The following ZDHHC21 variants were observed in gnomAD, a reference collection of about 807,000 sequenced individuals.
ZDHHC21 encodes palmitoyltransferase ZDHHC21.
ZDHHC21 carries 15 observed loss-of-function variants against 34.6 expected under a neutral mutation model. The observed-to-expected ratio is 0.43, with a 90% CI of 0.29 to 0.67. The LOEUF (loss-of-function observed/expected upper bound fraction) is 0.67. ZDHHC21 is among the 30% of genes least tolerant of loss of function. The pLI is 0.14. For missense variants in ZDHHC21, 344 were observed against 327.7 expected, an observed-to-expected ratio of 1.05 and a Z score of -0.38; for synonymous variants, 142 against 101.8, an observed-to-expected ratio of 1.40 and a Z score of -2.38.
chr9:14,668,680 C>T (rs920848567), intron 5 of ZDHHC21, among the ~76,000 whole-genome samples: 4 of 147,504 alleles, frequency 2.7e-5, no homozygotes, highest in Non-Finnish European at 6.0e-5. Flanking sequence ...CAGAACAGAG[C>T]CCTCAGAAAT....
intron 8 of ZDHHC21, among the ~76,000 whole-genome samples, chr9:14,637,100 A>C (rs1334363796): frequency 2.0e-5 from 3 of 152,050 alleles, no homozygotes; most frequent in Non-Finnish European, 4.4e-5. Flanking sequence ...TATGCAAAGA[A>C]GCAATAAGAC....
intron 5 of ZDHHC21, 105 bp from the exon 6 acceptor site, chr9:14,662,431 T>C: frequency 2.6e-6 from 2 of 778,558 alleles, no homozygotes; most frequent in Non-Finnish European, 4.0e-6. Context: ...AACATAAAAC[T>C]CTAAGAGATT....
chr9:14,610,738 AG>A (rs1436427293), downstream of ZDHHC21, among the ~76,000 whole-genome samples: 1 of 152,008 alleles, frequency 6.6e-6, no homozygotes, highest in Non-Finnish European at 1.5e-5. Flanking sequence ...ATTCCCCTCA[AG>A]AAAAAATACT....
At chr9:14,686,310 A>G (rs17288444) in intron 2 of ZDHHC21, among the ~76,000 whole-genome samples, 75,482 of 151,854 alleles carry the variant, frequency 0.5, 19,093 homozygotes, top group African/African-American at 0.58. Flanking sequence ...TTAGTGATCA[A>G]TTGGGAGCAA....
chr9:14,664,281 T>G lies in ZDHHC21; in HGVS notation c.254-1955A>C, dbSNP rs531205917. 8.1e-4 allele frequency among the ~76,000 whole-genome samples: 123 copies of G among 151,890 alleles called. 1 individual carries two copies. Among genetic ancestry groups the G allele is most frequent in the Non-Finnish European group, 8.0e-4 (54 of 67,894 alleles). ...CTGGAAAATCGGGTCACTCCCACCC[T>G]AATACTGCGCTTTTCAGACCGGCTT... On this transcript the variant is annotated intron_variant, in intron 5 of 9. Coordinates refer to ENST00000380916, the MANE Select transcript of ZDHHC21 (RefSeq NM_178566.6).
chr9:14,597,347 G>A, the ZDHHC21 span, among the ~76,000 whole-genome samples: 1 of 152,052 alleles, frequency 6.6e-6, no homozygotes, highest in Non-Finnish European at 1.5e-5. Flanking sequence ...AGTGTGGCTG[G>A]GTATCCAGCA....
the ZDHHC21 span, among the ~76,000 whole-genome samples, chr9:14,598,919 AGCT>A: frequency 4.6e-5 from 6 of 129,192 alleles, no homozygotes; most frequent in Non-Finnish European, 6.2e-5. Context: ...TCCCAGGCCT[AGCT>A]AAATTTTTTT....
In ZDHHC21 at chr9:14,612,123, TGC is replaced by T. The variant is rs1336897609; in HGVS notation, c.*6841_*6842del. 6.6e-6 allele frequency: 1 copy of T among 152,034 alleles called. No homozygotes were observed. Among genetic ancestry groups the T allele is most frequent in the African/African-American group, 2.4e-5 (1 of 41,436 alleles). The allele number at this position is 152,034 out of a possible 1,614,324, so 9.4% of individuals were successfully genotyped here. On this transcript the variant is annotated 3_prime_UTR_variant, in exon 10 of 10. Transcript: ENST00000380916. The stretch of plus-strand genomic sequence containing the variant: ...TTCATCTCATTAGGCTTTCAAATTT[TGC>T]TTTCACCTCTAATGATATGTTCATC...
At chr9:14,603,430 C>T in the ZDHHC21 span, among the ~76,000 whole-genome samples, 1 of 152,048 alleles carries the variant, frequency 6.6e-6, no homozygotes, top group East Asian at 1.9e-4. Context: ...GCATGCTATA[C>T]TTCAAGGACA....
Position 14,618,274 on chromosome 9 carries a change from A to T in ZDHHC21, c.*692T>A, listed in dbSNP as rs1267995821. On this transcript the variant is annotated 3_prime_UTR_variant, in exon 10 of 10. Transcript: ENST00000380916. Reference sequence around the variant, plus strand: ...CAACAGTAATAGTGAAAATTGAAAAAATTATTGTGAAAAAAATTTTAACAT... The same window carrying T: ...CAACAGTAATAGTGAAAATTGAAAATATTATTGTGAAAAAAATTTTAACAT... The T allele has an allele frequency of 1.3e-5, 2 of 152,554 alleles. No homozygotes were observed. Among genetic ancestry groups the T allele is most frequent in the Non-Finnish European group, 2.9e-5 (2 of 68,002 alleles). 9.5% of individuals were successfully genotyped at this position (152,554 alleles called of 1,614,324 possible). A position where few individuals can be genotyped will look rare whatever the true frequency, so the allele number is the denominator to read the frequency against.
chr9:14,626,641 T>C (rs1826268930), intron 8 of ZDHHC21, among the ~76,000 whole-genome samples: 1 of 151,958 alleles, frequency 6.6e-6, no homozygotes, highest in African/African-American at 2.4e-5. Flanking sequence ...CAAAATAATT[T>C]TGATAATTTT....
the ZDHHC21 span, among the ~76,000 whole-genome samples, chr9:14,593,266 CAA>C: frequency 6.6e-6 from 1 of 151,596 alleles, no homozygotes; most frequent in African/African-American, 2.4e-5. Context: ...CTAAACAAAA[CAA>C]AAAAAGAAGA....
downstream of ZDHHC21, among the ~76,000 whole-genome samples, chr9:14,608,558 T>C (rs1420393222): frequency 6.6e-6 from 1 of 152,148 alleles, no homozygotes; most frequent in Non-Finnish European, 1.5e-5. Context: ...GGTGCTTTCT[T>C]GTTTGGAGAA....
chr9:14,608,070 T>C (rs764986236), downstream of ZDHHC21, among the ~76,000 whole-genome samples: 2 of 152,054 alleles, frequency 1.3e-5, no homozygotes, highest in Non-Finnish European at 1.5e-5. Context: ...GTGCAGACCA[T>C]CCAAAAACCC....
chr9:14,624,453 G>GCT (rs1825866544), intron 8 of ZDHHC21, among the ~76,000 whole-genome samples: 1 of 151,870 alleles, frequency 6.6e-6, no homozygotes, highest in South Asian at 2.1e-4. Context: ...AAGTAAATAT[G>GCT]GTATATATAC....
At chr9:14,685,152 T>G (rs1587477836) in intron 2 of ZDHHC21, among the ~76,000 whole-genome samples, 1 of 151,764 alleles carries the variant, frequency 6.6e-6, no homozygotes, top group South Asian at 2.1e-4. Context: ...GGCAAGGACT[T>G]CATGTCTAAA....
At chr9:14,595,905 A>G in the ZDHHC21 span, among the ~76,000 whole-genome samples, 1 of 152,240 alleles carries the variant, frequency 6.6e-6, no homozygotes, top group Middle Eastern at 3.2e-3. Flanking sequence ...AGTGGCTAAA[A>G]CTTGAAAAGT....
At chr9:14,663,830 C>A (rs1469277345) in intron 5 of ZDHHC21, among the ~76,000 whole-genome samples, 1 of 152,148 alleles carries the variant, frequency 6.6e-6, no homozygotes, top group Non-Finnish European at 1.5e-5. Flanking sequence ...GCAAGAGCAA[C>A]AGTACTAAAG....
intron 5 of ZDHHC21, among the ~76,000 whole-genome samples, chr9:14,670,389 T>C (rs1835233670): frequency 6.6e-6 from 1 of 152,178 alleles, no homozygotes; most frequent in South Asian, 2.1e-4. Context: ...AGAATAATTT[T>C]TACAATTTTA....
Sources: allele counts gnomAD v4.1 joint callset (sites outside exome capture counted in the v4.1 genomes callset), GRCh38; gene constraint gnomAD v4.1.1; transcripts MANE v1.5; gene names NCBI Gene and HGNC (gene_info 2026-07-23, HGNC 2026-07-21).